The following NTM variants were observed in gnomAD, a reference collection of about 807,000 sequenced individuals.
The protein encoded by NTM is neurotrimin, also known as IgLON family member 2.
Under a neutral mutation model 42.1 loss-of-function variants are expected in NTM, and 13 were observed. The ratio of observed to expected loss-of-function variants is 0.31; its 90% CI spans 0.20 to 0.49. NTM has a LOEUF of 0.49. Among genes scored for constraint, NTM ranks in the 20% least tolerant of loss-of-function variants. The pLI, the probability that NTM is intolerant of heterozygous loss-of-function variation, is 0.99. For synonymous variants in NTM, 187 were observed against 179.2 expected, an observed-to-expected ratio of 1.04 and a Z score of -0.35; for missense variants, 373 against 452.8, an observed-to-expected ratio of 0.82 and a Z score of 1.60.
At chr11:132,040,390 G>T (rs2077030703) in intron 2 of NTM, among the ~76,000 whole-genome samples, 1 of 152,234 alleles carries the variant, frequency 6.6e-6, no homozygotes, top group Non-Finnish European at 1.5e-5. Context: ...AGGATTCTAA[G>T]ACACCATTGA....
chr11:131,647,308 T>C (rs1119541), intron 1 of NTM, among the ~76,000 whole-genome samples: 130,116 of 152,244 alleles, frequency 0.85, 55,679 homozygotes, highest in East Asian at 0.91. Context: ...TCAAGGATTT[T>C]TGTAGCTGCG....
At chr11:131,610,364 C>T (rs991721665) in intron 1 of NTM, among the ~76,000 whole-genome samples, 1 of 152,180 alleles carries the variant, frequency 6.6e-6, no homozygotes, top group African/African-American at 2.4e-5. Flanking sequence ...AGAAAGAAAC[C>T]CATTAAAAAC....
intron 1 of NTM, among the ~76,000 whole-genome samples, chr11:131,627,128 A>G (rs1014096317): frequency 1.3e-5 from 2 of 152,208 alleles, no homozygotes; most frequent in African/African-American, 2.4e-5. Flanking sequence ...ATAATCTCTA[A>G]TTATCTTGTA....
At chr11:131,649,349 G>A (rs965322146) in intron 1 of NTM, among the ~76,000 whole-genome samples, 3 of 152,214 alleles carry the variant, frequency 2.0e-5, no homozygotes, top group Admixed American at 2.0e-4. Flanking sequence ...AGAATGCAGT[G>A]TCTGTTTATG....
chr11:131,799,491 T>C (rs1216355371), intron 1 of NTM, among the ~76,000 whole-genome samples: 1 of 152,146 alleles, frequency 6.6e-6, no homozygotes, highest in East Asian at 1.9e-4. Context: ...AGGGTAGGAT[T>C]CATGAAGAGG....
chr11:132,130,222 A>G (rs1037065397), intron 2 of NTM, among the ~76,000 whole-genome samples: 2 of 152,186 alleles, frequency 1.3e-5, no homozygotes, highest in Non-Finnish European at 2.9e-5. Flanking sequence ...TCAGATGAGT[A>G]GCGGGATGAG....
At chr11:131,864,272 GAA>G (rs1217881967) in intron 1 of NTM, among the ~76,000 whole-genome samples, 1 of 152,206 alleles carries the variant, frequency 6.6e-6, no homozygotes, top group Non-Finnish European at 1.5e-5. Context: ...CATCAGGAAG[GAA>G]AGAGTGTGGA....
intron 1 of NTM, among the ~76,000 whole-genome samples, chr11:131,598,150 T>C (rs1041873280): frequency 4.6e-5 from 7 of 152,062 alleles, no homozygotes; most frequent in African/African-American, 1.7e-4. Flanking sequence ...CAGACACCAG[T>C]GTATGGGGAC....
chr11:131,529,024 A>C (rs548988770), intron 1 of NTM, among the ~76,000 whole-genome samples: 5 of 152,184 alleles, frequency 3.3e-5, no homozygotes, highest in Admixed American at 1.3e-4. Context: ...TTGCAATGGG[A>C]TTGAGTATCG....
chr11:131,977,652 G>A (rs1240947732), intron 2 of NTM, among the ~76,000 whole-genome samples: 1 of 152,152 alleles, frequency 6.6e-6, no homozygotes, highest in East Asian at 1.9e-4. Flanking sequence ...AAATATAGCT[G>A]GTAAGGGCTA....
Position 132,128,254 on chromosome 11 carries a change from T to G in NTM, c.168-18028T>G, listed in dbSNP as rs568422918. 3.3e-5 allele frequency among the ~76,000 whole-genome samples: 5 copies of G among 152,170 alleles called. No individual in the cohort carries two copies. In the South Asian group the frequency reaches 1.0e-3, roughly 32 times the overall value. ...TGTGAGTGTGTTTTTTTTTTTACAT[T>G]GATAAACATGTTTGCTAATCATTTA... On this transcript the variant is annotated intron_variant, in intron 2 of 8. Coordinates refer to ENST00000683400, the MANE Select transcript of NTM (RefSeq NM_001352005.2).
intron 4 of NTM, among the ~76,000 whole-genome samples, chr11:132,256,027 CCTT>C (rs1052853640): frequency 2.6e-5 from 4 of 152,174 alleles, no homozygotes; most frequent in African/African-American, 9.7e-5. Flanking sequence ...GCTCCTCCCA[CCTT>C]CTCTTCTCTA....
intron 2 of NTM, among the ~76,000 whole-genome samples, chr11:132,019,008 A>G (rs1303949854): frequency 6.6e-6 from 1 of 151,966 alleles, no homozygotes; most frequent in Non-Finnish European, 1.5e-5. Flanking sequence ...AAGGTTGTTA[A>G]TAGTATGGTC....
At chr11:131,382,206 C>A (rs1413856317) in intron 1 of NTM, among the ~76,000 whole-genome samples, 1 of 152,032 alleles carries the variant, frequency 6.6e-6, no homozygotes, top group Non-Finnish European at 1.5e-5. Context: ...ACTTGGATGG[C>A]CTGTGCTTTT....
chr11:131,373,247 A>G (rs1941465722), intron 1 of NTM, among the ~76,000 whole-genome samples: 1 of 152,202 alleles, frequency 6.6e-6, no homozygotes, highest in South Asian at 2.1e-4. Flanking sequence ...CTTGCCTGCA[A>G]TAATCCACCC....
At chr11:132,063,276 G>A (rs941824993) in intron 2 of NTM, among the ~76,000 whole-genome samples, 3 of 152,184 alleles carry the variant, frequency 2.0e-5, no homozygotes, top group Non-Finnish European at 2.9e-5. Flanking sequence ...AAATTTCAAT[G>A]CATGAATTTG....
chr11:131,380,981 C>A (rs1168659751), intron 1 of NTM, among the ~76,000 whole-genome samples: 1 of 152,060 alleles, frequency 6.6e-6, no homozygotes, highest in East Asian at 1.9e-4. Flanking sequence ...TATTAGTAAT[C>A]CCTCCTGGCT....
At chr11:132,073,589 T>A (rs2057985919) in intron 2 of NTM, among the ~76,000 whole-genome samples, 1 of 152,156 alleles carries the variant, frequency 6.6e-6, no homozygotes, top group Non-Finnish European at 1.5e-5. Context: ...TGTCTTGACC[T>A]GGAGCAGTTT....
chr11:131,822,561 C>T (rs1196979649), intron 1 of NTM, among the ~76,000 whole-genome samples: 2 of 152,028 alleles, frequency 1.3e-5, no homozygotes. Flanking sequence ...AAACAAATAC[C>T]AGCCCCTCAT....
Sources: gnomAD v4.1 joint callset for allele counts (sites outside exome capture counted in the v4.1 genomes callset) on GRCh38, gnomAD v4.1.1 for gene constraint, MANE v1.5 for transcripts, NCBI Gene and HGNC (gene_info 2026-07-23, HGNC 2026-07-21) for gene names.